KAT6B: variants seen among roughly 807,000 people sequenced by gnomAD.
The protein encoded by KAT6B is histone acetyltransferase KAT6B.
Under a neutral mutation model 187.5 loss-of-function variants are expected in KAT6B, and 10 were observed. The observed-to-expected ratio is 0.05, with a 90% CI of 0.03 to 0.09. The LOEUF (loss-of-function observed/expected upper bound fraction) is 0.09. KAT6B is among the 10% of genes least tolerant of loss of function. The pLI, the probability that KAT6B is intolerant of heterozygous loss-of-function variation, is 1.00. For missense variants in KAT6B, 1,952 were observed against 2,558.9 expected (o/e 0.76, Z 5.12); for synonymous variants, 861 against 926.8 (o/e 0.93, Z 1.29).
chr10:74,977,134 T>C, intron 8 of KAT6B, 182 bp from the exon 9 acceptor site: 1 of 529,562 alleles, frequency 1.9e-6, no homozygotes, highest in Non-Finnish European at 3.4e-6. Flanking sequence ...AAAATTTGAG[T>C]ATAGCAGGGA....
At chr10:74,944,808 C>CAAAAAAAAAAA (rs58164194) in intron 3 of KAT6B, among the ~76,000 whole-genome samples, 13 of 32,902 alleles carry the variant, frequency 4.0e-4, no homozygotes, top group African/African-American at 1.1e-3. Flanking sequence ...GACTCCGTCT[C>CAAAAAAAAAAA]AAAAAAAAAA....
rs1564588400 is a variant in KAT6B at position 74,958,611 on chromosome 10, G to A, written c.622-1359G>A. On this transcript the variant is annotated intron_variant, in intron 3 of 17. Transcript: ENST00000287239. ...GCTATTCCTATGGATGGGAATACTAGCATTGCTGATAGTAGTAAATAACAA... is the reference window on the plus strand; with the variant it reads ...GCTATTCCTATGGATGGGAATACTAACATTGCTGATAGTAGTAAATAACAA... Among the ~76,000 whole-genome samples the A allele has an allele frequency of 2.6e-5, 4 of 152,216 alleles. No homozygotes were observed. In the South Asian group the frequency reaches 8.3e-4, roughly 31 times the overall value.
chr10:74,981,334 C>CCTTCCTTT (rs1404601975), intron 10 of KAT6B, among the ~76,000 whole-genome samples: 2 of 146,804 alleles, frequency 1.4e-5, no homozygotes, highest in Non-Finnish European at 3.0e-5. Flanking sequence ...TTCCTTCCTT[C>CCTTCCTTT]CTTCCTTTCT....
At chr10:74,931,083 A>G (rs1251086491) in intron 3 of KAT6B, among the ~76,000 whole-genome samples, 2 of 152,234 alleles carry the variant, frequency 1.3e-5, no homozygotes, top group African/African-American at 2.4e-5. Flanking sequence ...TGGAAGCAGA[A>G]GTGCCTGGGT....
Position 74,975,647 on chromosome 10 carries a change from G to A in KAT6B, c.1310G>A (p.Gly437Asp). The A allele has an allele frequency of 6.2e-7, 1 of 1,614,124 alleles. No homozygotes were observed. Among genetic ancestry groups the A allele is most frequent in the Non-Finnish European group, 8.5e-7 (1 of 1,180,028 alleles). The change falls in exon 8 of 18, where the codon GGC becomes GAC. Residue 437 changes from glycine to aspartate, a missense_variant. By Grantham distance (94) the Gly-to-Asp change is moderately conservative. Coordinates refer to ENST00000287239, the MANE Select transcript of KAT6B (RefSeq NM_012330.4). ...VNKKTKGLIDGLTKFFTPSPD... is the reference protein window; with the variant it reads ...VNKKTKGLIDDLTKFFTPSPD... ...AAGAAAACCAAAGGGCTCATTGATG[G>A]CCTTACTAAGTTTTTTACACCATCA...
intron 10 of KAT6B, among the ~76,000 whole-genome samples, chr10:74,981,408 CTG>C (rs1168302150): frequency 6.7e-6 from 1 of 149,214 alleles, no homozygotes; most frequent in African/African-American, 2.5e-5. Context: ...GTGTCTCACT[CTG>C]TTGCCCAGGC....
At chr10:75,000,149 G>A (rs1843727571) in intron 13 of KAT6B, among the ~76,000 whole-genome samples, 1 of 151,576 alleles carries the variant, frequency 6.6e-6, no homozygotes, top group Admixed American at 6.6e-5. Flanking sequence ...TCCAGCCTGG[G>A]CGACAGAGCA....
intron 3 of KAT6B, among the ~76,000 whole-genome samples, chr10:74,898,380 GAC>G (rs1332043149): frequency 6.6e-6 from 1 of 152,008 alleles, no homozygotes; most frequent in Non-Finnish European, 1.5e-5. Flanking sequence ...CATAGCACAT[GAC>G]ACAAACTCAT....
At chr10:74,988,494 A>G (rs1006157538) in intron 12 of KAT6B, among the ~76,000 whole-genome samples, 1 of 152,102 alleles carries the variant, frequency 6.6e-6, no homozygotes, top group Non-Finnish European at 1.5e-5. Flanking sequence ...TTTTACATTG[A>G]CTTTTTATTC....
intron 3 of KAT6B, among the ~76,000 whole-genome samples, chr10:74,958,923 A>C (rs1189939003): frequency 6.6e-6 from 1 of 152,036 alleles, no homozygotes; most frequent in East Asian, 1.9e-4. Context: ...CTGTAGTCCC[A>C]GCTACTCAGG....
chr10:74,927,156 C>T (rs1200181639), intron 3 of KAT6B, among the ~76,000 whole-genome samples: 1 of 152,208 alleles, frequency 6.6e-6, no homozygotes, highest in African/African-American at 2.4e-5. Context: ...GAACAGTTCT[C>T]TATCAGTTAG....
rs556035291 is a variant in KAT6B at position 75,001,650 on chromosome 10, G to A, written c.2629+12538G>A. On this transcript the variant is annotated intron_variant, in intron 13 of 17. Coordinates refer to ENST00000287239, the MANE Select transcript of KAT6B (RefSeq NM_012330.4). The stretch of plus-strand genomic sequence containing the variant: ...TCAGTGGGCTATTTTGTTTAAAAGA[G>A]CTTCCACTTACAAGCTTTTCAAAAT... Among the ~76,000 whole-genome samples, 13 of 152,296 alleles carry A rather than the reference G, an allele frequency of 8.5e-5. No homozygotes were observed. In the South Asian group the frequency reaches 1.4e-3, roughly 17 times the overall value.
At chr10:74,894,877 T>C (rs1845879758) in intron 3 of KAT6B, among the ~76,000 whole-genome samples, 1 of 152,166 alleles carries the variant, frequency 6.6e-6, no homozygotes, top group Non-Finnish European at 1.5e-5. Context: ...GCAGTGAACA[T>C]GGGTAAGCAA....
rs768402080 is a variant in KAT6B, at chr10:74,985,207, A to T, written c.2501A>T (p.Glu834Val). 41 of 1,614,150 alleles carry T rather than the reference A, an allele frequency of 2.5e-5. No individual in the cohort carries two copies. The highest frequency in any genetic ancestry group is 3.5e-5 in the Non-Finnish European group (41 of 1,180,006). ...TTTTATGTCCTTACAAAAAATGATG[A>T]AAAGGGCTGTCATCTGGTTGGATAC... Reference protein sequence around the residue: ...FLFYVLTKNDEKGCHLVGYFS... With the variant: ...FLFYVLTKNDVKGCHLVGYFS... Residue 834 changes from glutamate (E) to valine (V), a missense_variant, in exon 12 of 18, where the codon GAA becomes GTA. Glu to Val is a moderately radical substitution (Grantham distance 121). Coordinates refer to ENST00000287239, the MANE Select transcript of KAT6B (RefSeq NM_012330.4).
At chr10:74,906,877 A>G (rs569422813) in intron 3 of KAT6B, among the ~76,000 whole-genome samples, 1 of 152,242 alleles carries the variant, frequency 6.6e-6, no homozygotes, top group African/African-American at 2.4e-5. Context: ...GAGGTCCCAA[A>G]CTGCCCATCC....
chr10:74,923,647 C>T (rs1244258822), intron 3 of KAT6B, among the ~76,000 whole-genome samples: 1 of 152,072 alleles, frequency 6.6e-6, no homozygotes, highest in African/African-American at 2.4e-5. Context: ...TGCAAAGAGC[C>T]CTTGACATGT....
At chr10:75,025,361 T>G (rs890932479) in intron 17 of KAT6B, 112 bp downstream of exon 17, 39 of 1,055,444 alleles carry the variant, frequency 3.7e-5, no homozygotes, top group South Asian at 9.3e-5. Context: ...GTGGTGCTGA[T>G]GCACCTGGAG....
intron 3 of KAT6B, among the ~76,000 whole-genome samples, chr10:74,927,111 C>T (rs1848562963): frequency 6.6e-6 from 1 of 152,240 alleles, no homozygotes; most frequent in African/African-American, 2.4e-5. Context: ...CTGAGGATGT[C>T]ATTGTTCTGG....
intron 3 of KAT6B, among the ~76,000 whole-genome samples, chr10:74,903,911 C>G (rs987307799): frequency 5.3e-5 from 8 of 152,154 alleles, no homozygotes; most frequent in Non-Finnish European, 5.9e-5. Context: ...ATCAGGAGGC[C>G]AGCATATTTA....
Sources: gnomAD v4.1 joint callset for allele counts (sites outside exome capture counted in the v4.1 genomes callset) on GRCh38, gnomAD v4.1.1 for gene constraint, MANE v1.5 for transcripts, NCBI Gene and HGNC (gene_info 2026-07-23, HGNC 2026-07-21) for gene names.